Variants in PACS1 observed in about 807,000 individuals in gnomAD.
The protein encoded by PACS1 is PACS-1.
PACS1 carries 24 observed loss-of-function variants against 115.0 expected under a neutral mutation model. That is an observed-to-expected ratio of 0.21 (90% CI 0.15 to 0.29). PACS1 has a LOEUF of 0.29. PACS1 is among the 10% of genes least tolerant of loss of function. PACS1 has a pLI of 1.00. For missense variants in PACS1, 838 were observed against 1,251.2 expected (o/e 0.67, Z 4.98); for synonymous variants, 453 against 504.5 (o/e 0.90, Z 1.37).
chr11:66,107,666 T>A (rs1159449417), intron 1 of PACS1, among the ~76,000 whole-genome samples: 2 of 152,224 alleles, frequency 1.3e-5, no homozygotes. Context: ...TATACCACGT[T>A]GGCCAGGGAT....
chr11:66,170,774 G>GAAA (rs35955463), intron 1 of PACS1, among the ~76,000 whole-genome samples: 3 of 113,674 alleles, frequency 2.6e-5, no homozygotes. Flanking sequence ...CTCATCTCTG[G>GAAA]AAAAAAAAAA....
intron 17 of PACS1, 126 bp downstream of exon 17, chr11:66,234,368 C>T: frequency 1.4e-6 from 1 of 714,562 alleles, no homozygotes. Context: ...GTCACTCTGT[C>T]CATTCATTTT....
In PACS1 at chr11:66,233,058, C is replaced by T; in HGVS notation, c.1830C>T (p.Ile610=). ...TGCTGTCCGCCCTGCTCACCCGGATCCAGCGCTAGTAAGGGCTCTGGCCTC... is the reference window on the plus strand; with the variant it reads ...TGCTGTCCGCCCTGCTCACCCGGATTCAGCGCTAGTAAGGGCTCTGGCCTC... ...QAVLSALLTR[I]QRYCNCNSSM... is the part of the protein sequence containing the mutation. The change falls in exon 15 of 24, where the codon ATC becomes ATT. Residue 610 remains isoleucine, a synonymous_variant. Transcript: ENST00000320580. The surrounding 1 kb of genome is among the most constrained non-coding windows in gnomAD (Gnocchi z 4.5). 1.2e-6 allele frequency: 2 copies of T among 1,607,770 alleles called. No homozygotes were observed. Among genetic ancestry groups the T allele is most frequent in the Non-Finnish European group, 1.7e-6 (2 of 1,178,662 alleles).
intron 1 of PACS1, among the ~76,000 whole-genome samples, chr11:66,085,736 A>C (rs1438285524): frequency 6.6e-6 from 1 of 152,234 alleles, no homozygotes; most frequent in Non-Finnish European, 1.5e-5. Context: ...TAAAATTCCC[A>C]GATAAAATCT....
In PACS1 at chr11:66,070,473, C is replaced by T. The variant is rs1010048054; in HGVS notation, c.-14C>T. 1.2e-5 allele frequency: 15 copies of T among 1,260,080 alleles called. No homozygotes were observed. Among genetic ancestry groups the T allele is most frequent in the African/African-American group, 1.6e-5 (1 of 63,730 alleles). 78.1% of individuals were successfully genotyped at this position (1,260,080 alleles called of 1,614,324 possible). A position where few individuals can be genotyped will look rare whatever the true frequency, so the allele number is the denominator to read the frequency against. On this transcript the variant is annotated 5_prime_UTR_variant, in exon 1 of 24. Coordinates refer to ENST00000320580, the MANE Select transcript of PACS1 (RefSeq NM_018026.4). This position sits in a 1 kb window ranked among gnomAD's most constrained non-coding sequence, Gnocchi z 5.9. ...GCGTCGCCTCGGCCTCCGTAACCCCCGCCTAGCCGGGCCATGGCGGAACGC... is the reference window on the plus strand; with the variant it reads ...GCGTCGCCTCGGCCTCCGTAACCCCTGCCTAGCCGGGCCATGGCGGAACGC...
At chr11:66,085,169 A>G (rs867195917) in intron 1 of PACS1, among the ~76,000 whole-genome samples, 6 of 152,258 alleles carry the variant, frequency 3.9e-5, no homozygotes, top group Middle Eastern at 6.8e-3. Context: ...TTCTTTTTTA[A>G]TATTTTTTCT....
At chr11:66,205,710 T>C (rs921197429) in intron 2 of PACS1, among the ~76,000 whole-genome samples, 9 of 151,002 alleles carry the variant, frequency 6.0e-5, no homozygotes, top group Non-Finnish European at 1.2e-4. Context: ...CCCAGGCAGC[T>C]CTTATACTCC....
intron 8 of PACS1, 97 bp from the exon 9 acceptor site, chr11:66,220,534 C>A: frequency 8.7e-7 from 1 of 1,148,264 alleles, no homozygotes; most frequent in Non-Finnish European, 1.3e-6. Context: ...GTCCCTTAAG[C>A]AGGACTATAA....
intron 1 of PACS1, among the ~76,000 whole-genome samples, chr11:66,190,206 T>A (rs1173430854): frequency 6.6e-6 from 1 of 152,214 alleles, no homozygotes; most frequent in Non-Finnish European, 1.5e-5. Context: ...GCAGCAGTTT[T>A]TTTCTTCTCA....
intron 1 of PACS1, among the ~76,000 whole-genome samples, chr11:66,135,962 C>T (rs113451743): frequency 2.6e-4 from 39 of 152,184 alleles, no homozygotes; most frequent in African/African-American, 8.4e-4. Flanking sequence ...CAGCCTCCTG[C>T]GCTCCTCTTA....
chr11:66,216,082 G>A, intron 4 of PACS1, 37 bp from the exon 5 acceptor site: 1 of 1,611,094 alleles, frequency 6.2e-7, no homozygotes, highest in Non-Finnish European at 8.5e-7. Flanking sequence ...AGGTGCCTCT[G>A]TAGTAACACG....
chr11:66,093,017 A>G (rs1296100463), intron 1 of PACS1, among the ~76,000 whole-genome samples: 1 of 152,066 alleles, frequency 6.6e-6, no homozygotes, highest in Non-Finnish European at 1.5e-5. Context: ...TTGGTTCCAT[A>G]TGAACTTTAA....
chr11:66,161,777 T>G (rs1859491783), intron 1 of PACS1, among the ~76,000 whole-genome samples: 1 of 152,178 alleles, frequency 6.6e-6, no homozygotes, highest in African/African-American at 2.4e-5. Flanking sequence ...GGAAAAACCC[T>G]TACTCTGATT....
chr11:66,189,106 A>G (rs7946917), intron 1 of PACS1, among the ~76,000 whole-genome samples: 31,375 of 152,118 alleles, frequency 0.21, 3,329 homozygotes, highest in Middle Eastern at 0.28. Context: ...AATGAAATGC[A>G]TGTCAGGCAA....
intron 2 of PACS1, among the ~76,000 whole-genome samples, chr11:66,202,742 A>AAATATATAT (rs1200930188): frequency 1.4e-5 from 1 of 71,648 alleles, no homozygotes; most frequent in African/African-American, 8.0e-5. Context: ...AAAAAAAAAA[A>AAATATATAT]ATATATATAT....
intron 1 of PACS1, among the ~76,000 whole-genome samples, chr11:66,142,622 T>TA (rs757969555): frequency 0.042 from 5,351 of 125,940 alleles, 119 homozygotes; most frequent in South Asian, 0.067. Flanking sequence ...AGCATTTTAT[T>TA]AAAAAAAAAA....
intron 1 of PACS1, among the ~76,000 whole-genome samples, chr11:66,094,768 C>T (rs1295339199): frequency 6.6e-6 from 1 of 152,124 alleles, no homozygotes; most frequent in African/African-American, 2.4e-5. Context: ...GACCAATATC[C>T]TTGATGAACA....
intron 1 of PACS1, among the ~76,000 whole-genome samples, chr11:66,106,543 G>A (rs536035968): frequency 1.3e-5 from 2 of 151,906 alleles, no homozygotes. Context: ...CTCCAGCCTG[G>A]GTGACAGAAT....
At chr11:66,106,341 G>A (rs749948566) in intron 1 of PACS1, among the ~76,000 whole-genome samples, 1 of 152,222 alleles carries the variant, frequency 6.6e-6, no homozygotes. Flanking sequence ...GGAGGCTGAG[G>A]TGGGCAGATC....
Sources: gnomAD v4.1 joint callset for allele counts (sites outside exome capture counted in the v4.1 genomes callset) on GRCh38, gnomAD v4.1.1 for gene constraint, Gnocchi (gnomAD v3.1) non-coding constraint, MANE v1.5 for transcripts, NCBI Gene and HGNC (gene_info 2026-07-23, HGNC 2026-07-21) for gene names.